The following GPR161 variants were observed in gnomAD, a reference collection of about 807,000 sequenced individuals.
GPR161 encodes G-protein coupled receptor RE2.
GPR161 carries 25 observed loss-of-function variants against 39.2 expected under a neutral mutation model. That is an observed-to-expected ratio of 0.64 (90% CI 0.47 to 0.89). The LOEUF (loss-of-function observed/expected upper bound fraction) is 0.89. Among genes scored for constraint, GPR161 ranks in the 40% least tolerant of loss-of-function variants. The pLI, the probability that GPR161 is intolerant of heterozygous loss-of-function variation, is 0.00. For missense variants in GPR161, 547 were observed against 677.8 expected (o/e 0.81, Z 2.14); for synonymous variants, 286 against 276.6 (o/e 1.03, Z -0.34).
chr1:168,107,631 C>T (rs1469101541), intron 1 of GPR161, among the ~76,000 whole-genome samples: 1 of 152,156 alleles, frequency 6.6e-6, no homozygotes, highest in Non-Finnish European at 1.5e-5. Flanking sequence ...TTACAAATTA[C>T]CCAGTTTCAG....
chr1:168,136,136 A>T (rs1448168265), intron 1 of GPR161: 1 of 1,258,586 alleles, frequency 7.9e-7, no homozygotes, highest in Non-Finnish European at 1.0e-6. Context: ...TCCCTCCCGC[A>T]GATCTGAGGG....
In GPR161 at chr1:168,081,064, A is replaced by G. The variant is rs1694036715; in HGVS notation, c.*4467T>C. On this transcript the variant is annotated 3_prime_UTR_variant, in exon 6 of 6. Coordinates refer to ENST00000682931, the MANE Select transcript of GPR161 (RefSeq NM_001375883.1). ...TTTTTAGTAGAGACGGGGTTTCTCC[A>G]TATTGGTCAGGCTGGTCTCGAACTC... 1.3e-5 allele frequency: 2 copies of G among 151,916 alleles called. No individual in the cohort carries two copies. Among genetic ancestry groups the G allele is most frequent in the South Asian group, 4.2e-4 (2 of 4,806 alleles). The allele number at this position is 151,916 out of a possible 1,614,324, so 9.4% of individuals were successfully genotyped here.
Position 168,101,505 on chromosome 1 carries a change from G to C in GPR161, c.374+2972C>G, listed in dbSNP as rs147623056. Among the ~76,000 whole-genome samples the C allele has an allele frequency of 1.3e-3, 202 of 152,298 alleles. 1 individual carries two copies. The highest frequency in any genetic ancestry group is 2.8e-3 in the Admixed American group (43 of 15,308). ...CCTGAGCTACGCTAGCTGGCTGCTG[G>C]AATGACTGGCAGCACTGAGTTGATG... On this transcript the variant is annotated intron_variant, in intron 2 of 5. Transcript: ENST00000682931.
chr1:168,133,831 C>CT (rs965661199), intron 1 of GPR161: 2 of 589,444 alleles, frequency 3.4e-6, no homozygotes, highest in African/African-American at 2.0e-5. Flanking sequence ...GTAGGTAATA[C>CT]TTTTTTATCA....
intron 1 of GPR161, among the ~76,000 whole-genome samples, chr1:168,122,524 G>C (rs1334407577): frequency 6.6e-6 from 1 of 152,144 alleles, no homozygotes; most frequent in African/African-American, 2.4e-5. Flanking sequence ...ATGTCACACA[G>C]AGCAAGCCCA....
chr1:168,096,447 G>C lies in GPR161; in HGVS notation c.1099+61C>G, dbSNP rs1029947359. The C allele has an allele frequency of 3.2e-6, 5 of 1,544,182 alleles. No homozygotes were observed. In the African/African-American group the frequency reaches 6.8e-5, roughly 21 times the overall value. On this transcript the variant is annotated intron_variant, in intron 3 of 5. Coordinates refer to ENST00000682931, the MANE Select transcript of GPR161 (RefSeq NM_001375883.1). ...ACTCACCCACAAACAGGCCAGAGTG[G>C]CTGAGAGGACCACAGATTTCATCTG...
At chr1:168,104,389 C>T (rs1696391932) in intron 2 of GPR161, 88 bp downstream of exon 2, 3 of 1,118,324 alleles carry the variant, frequency 2.7e-6, no homozygotes, top group Non-Finnish European at 4.0e-6. Context: ...CTGACACTCT[C>T]CAGGGAACTA....
rs1402242642 is a variant in GPR161 at position 168,080,423 on chromosome 1, T to G, written c.*5108A>C. On this transcript the variant is annotated 3_prime_UTR_variant, in exon 6 of 6. Transcript: ENST00000682931. The stretch of plus-strand genomic sequence containing the variant: ...CAATTGCCCTGGATTCTGTGTCCCC[T>G]CTCCCAACCCACAAGGACAGTATGG... The G allele has an allele frequency of 1.3e-5, 2 of 152,208 alleles. No individual in the cohort carries two copies. The highest frequency in any genetic ancestry group is 1.3e-4 in the Admixed American group (2 of 15,274). 9.4% of individuals were successfully genotyped at this position (152,208 alleles called of 1,614,324 possible).
intron 1 of GPR161, among the ~76,000 whole-genome samples, chr1:168,105,568 T>C (rs1012369800): frequency 6.6e-6 from 1 of 152,168 alleles, no homozygotes; most frequent in Non-Finnish European, 1.5e-5. Flanking sequence ...ATTAATCAGG[T>C]ACAGTTTATA....
intron 1 of GPR161, chr1:168,134,031 A>G (rs1454746451): frequency 2.3e-5 from 4 of 174,720 alleles, no homozygotes; most frequent in Non-Finnish European, 4.5e-5. Context: ...GTTTTAAAAT[A>G]TTTACAGCTC....
At chr1:168,092,676 T>A (rs1168475984) in intron 3 of GPR161, among the ~76,000 whole-genome samples, 1 of 152,146 alleles carries the variant, frequency 6.6e-6, no homozygotes, top group Admixed American at 6.5e-5. Context: ...GAGATAAATT[T>A]GCAGGTACTT....
At chr1:168,111,434 G>A (rs1187857187) in intron 1 of GPR161, among the ~76,000 whole-genome samples, 1 of 152,192 alleles carries the variant, frequency 6.6e-6, no homozygotes, top group African/African-American at 2.4e-5. Context: ...GAGGGGAAGG[G>A]GGAAGATTTT....
At chr1:168,123,766 T>C (rs57273900) in intron 1 of GPR161, among the ~76,000 whole-genome samples, 42,102 of 152,052 alleles carry the variant, frequency 0.28, 6,592 homozygotes, top group African/African-American at 0.43. Context: ...GACCATGTAG[T>C]TGGAAGTCCC....
At chr1:168,111,797 A>T (rs757082429) in intron 1 of GPR161, among the ~76,000 whole-genome samples, 5 of 152,246 alleles carry the variant, frequency 3.3e-5, no homozygotes, top group African/African-American at 4.8e-5. Flanking sequence ...CTAGGATTAA[A>T]GAAATATCCT....
intron 3 of GPR161, among the ~76,000 whole-genome samples, chr1:168,093,776 G>A (rs1040773851): frequency 3.9e-5 from 6 of 152,240 alleles, no homozygotes; most frequent in Non-Finnish European, 8.8e-5. Flanking sequence ...AGGGACACAA[G>A]GCAGAGGCCA....
intron 3 of GPR161, among the ~76,000 whole-genome samples, chr1:168,092,868 G>A (rs572908389): frequency 2.0e-5 from 3 of 152,252 alleles, no homozygotes; most frequent in African/African-American, 4.8e-5. Context: ...AGGAGATAAC[G>A]GGAAAGGCTC....
chr1:168,115,435 C>T (rs536868074), intron 1 of GPR161, among the ~76,000 whole-genome samples: 59 of 152,266 alleles, frequency 3.9e-4, no homozygotes, highest in Non-Finnish European at 4.1e-4. Flanking sequence ...TCCTCTTTTT[C>T]CTCCTCTTTT....
chr1:168,085,270 T>TC lies in GPR161; in HGVS notation c.*260_*261insG. ...CACATCTCTAGATTTTTTTTTGGTT[T>TC]TTTTTTTGCTTTAGATGCTTCTGGT... On this transcript the variant is annotated 3_prime_UTR_variant, in exon 6 of 6. Coordinates refer to ENST00000682931, the MANE Select transcript of GPR161 (RefSeq NM_001375883.1). 1.8e-6 allele frequency: 1 copy of TC among 549,376 alleles called. No individual in the cohort carries two copies. Among genetic ancestry groups the TC allele is most frequent in the Non-Finnish European group, 3.3e-6 (1 of 305,642 alleles). The allele number at this position is 549,376 out of a possible 1,614,324, so 34.0% of individuals were successfully genotyped here.
intron 3 of GPR161, among the ~76,000 whole-genome samples, chr1:168,093,301 G>A (rs763874933): frequency 2.4e-4 from 36 of 152,186 alleles, no homozygotes; most frequent in Admixed American, 7.2e-4. Flanking sequence ...GTGGCCCAGC[G>A]ACATTTGGCA....
Sources: gnomAD v4.1 joint callset for allele counts (sites outside exome capture counted in the v4.1 genomes callset) on GRCh38, gnomAD v4.1.1 for gene constraint, MANE v1.5 for transcripts, NCBI Gene and HGNC (gene_info 2026-07-23, HGNC 2026-07-21) for gene names.